Variants in PXDNL observed in about 807,000 individuals in gnomAD.
The protein encoded by PXDNL is peroxidasin like, also known as probable oxidoreductase PXDNL.
A neutral mutation model predicts 150.8 loss-of-function variants in PXDNL; 145 were observed. The ratio of observed to expected loss-of-function variants is 0.96; its 90% confidence interval spans 0.84 to 1.10. The LOEUF (loss-of-function observed/expected upper bound fraction) is 1.10, where lower values mean the gene tolerates loss of function less well. PXDNL is among the 50% of genes least tolerant of loss of function. The probability of loss-of-function intolerance (pLI) is 0.00; values close to 1 mark genes in which losing one functional copy is unlikely to be tolerated. For synonymous variants in PXDNL, 757 were observed against 725.7 expected (o/e 1.04, Z -0.69); for missense variants, 2,087 against 1,873.9 (o/e 1.11, Z -2.10).
At chr8:51,762,998 C>CA (rs1482450731) in intron 1 of PXDNL, among the ~76,000 whole-genome samples, 3 of 152,098 alleles carry the variant, frequency 2.0e-5, no homozygotes, top group African/African-American at 7.2e-5. Context: ...TGGTTTCTAG[C>CA]ATATTGACAT....
chr8:51,473,274 AACAC>A lies in PXDNL; in HGVS notation c.695-974_695-971del, dbSNP rs1164131411. 4.4e-3 allele frequency among the ~76,000 whole-genome samples: 596 copies of A among 134,016 alleles called. 3 individuals are homozygous for A. Among genetic ancestry groups the A allele is most frequent in the Admixed American group, 0.011 (144 of 12,624 alleles). 87.9% of individuals were successfully genotyped at this position (134,016 alleles called of 152,430 possible). On this transcript the variant is annotated intron_variant, in intron 7 of 22. Transcript: ENST00000356297. ...AGTTTCATTGAAGCAGTAGAAAATAAACACACACACACACACACACACACACACA... is the reference window on the plus strand; with the variant it reads ...AGTTTCATTGAAGCAGTAGAAAATAAACACACACACACACACACACACACA...
At chr8:51,718,932 C>T (rs1816668717) in intron 1 of PXDNL, among the ~76,000 whole-genome samples, 1 of 152,136 alleles carries the variant, frequency 6.6e-6, no homozygotes, top group Non-Finnish European at 1.5e-5. Context: ...GCCGCCCCGT[C>T]CGGGAGGGAG....
intron 1 of PXDNL, among the ~76,000 whole-genome samples, chr8:51,767,408 A>G (rs2037243375): frequency 6.6e-6 from 1 of 152,058 alleles, no homozygotes; most frequent in African/African-American, 2.4e-5. Flanking sequence ...TGAGTTTTGT[A>G]AAGTCTGTAT....
chr8:51,674,700 C>G (rs1373950652), intron 1 of PXDNL, among the ~76,000 whole-genome samples: 1 of 152,220 alleles, frequency 6.6e-6, no homozygotes, highest in Non-Finnish European at 1.5e-5. Context: ...GCTCCTGGTC[C>G]TGCCATACCC....
chr8:51,498,906 T>G (rs1811117818), intron 5 of PXDNL, among the ~76,000 whole-genome samples: 1 of 152,242 alleles, frequency 6.6e-6, no homozygotes, highest in Non-Finnish European at 1.5e-5. Context: ...AGTATAGTAT[T>G]ATATTTTATG....
intron 3 of PXDNL, among the ~76,000 whole-genome samples, chr8:51,581,481 G>A (rs936303332): frequency 1.4e-5 from 2 of 141,436 alleles, no homozygotes; most frequent in Non-Finnish European, 3.0e-5. Flanking sequence ...ATGACAGAGT[G>A]AGACCCTGTC....
chr8:51,663,548 G>C (rs2130816357), intron 1 of PXDNL, among the ~76,000 whole-genome samples: 2 of 152,232 alleles, frequency 1.3e-5, no homozygotes, highest in Admixed American at 1.3e-4. Context: ...CGTTGACAGG[G>C]GTATGCGGCC....
At chr8:51,490,559 T>C (rs1016647464) in intron 5 of PXDNL, among the ~76,000 whole-genome samples, 1 of 151,398 alleles carries the variant, frequency 6.6e-6, no homozygotes, top group African/African-American at 2.4e-5. Context: ...GTCAATTACA[T>C]ACCAATGAAT....
At chr8:51,330,728 AC>A in intron 21 of PXDNL, among the ~76,000 whole-genome samples, 1 of 152,288 alleles carries the variant, frequency 6.6e-6, no homozygotes, top group East Asian at 1.9e-4. Context: ...CACCCTTTGA[AC>A]CCCTAAAATT....
intron 3 of PXDNL, among the ~76,000 whole-genome samples, chr8:51,586,874 A>G (rs1389506006): frequency 1.3e-5 from 2 of 152,162 alleles, no homozygotes; most frequent in East Asian, 3.9e-4. Flanking sequence ...GAAAATACTA[A>G]ACTTAGAGAA....
intron 3 of PXDNL, among the ~76,000 whole-genome samples, chr8:51,587,632 T>C (rs1288100482): frequency 1.3e-5 from 2 of 152,202 alleles, no homozygotes; most frequent in Non-Finnish European, 2.9e-5. Flanking sequence ...TTATGTAATA[T>C]AAATACTTGT....
Position 51,399,179 on chromosome 8 carries a change from T to A in PXDNL, c.3557+8888A>T, listed in dbSNP as rs192251250. Among the ~76,000 whole-genome samples the A allele has an allele frequency of 4.7e-3, 710 of 152,322 alleles. 5 individuals carry two copies. The highest frequency in any genetic ancestry group is 7.4e-3 in the Non-Finnish European group (506 of 68,030). ...CTTTGGGTAACAATTTGGCAGTTTC[T>A]TATAAAGTTAAATACAGAGTTACTA... On this transcript the variant is annotated intron_variant, in intron 17 of 22. Coordinates refer to ENST00000356297, the MANE Select transcript of PXDNL (RefSeq NM_144651.5).
intron 10 of PXDNL, among the ~76,000 whole-genome samples, chr8:51,452,937 C>CACATACACACACACACACACACACACAA (rs1554541855): frequency 2.3e-4 from 35 of 149,968 alleles, no homozygotes; most frequent in African/African-American, 4.4e-4. Flanking sequence ...CACACACAAA[C>CACATACACACACACACACACACACACAA]ACACACACAC....
chr8:51,620,612 C>T (rs970630869), intron 2 of PXDNL, among the ~76,000 whole-genome samples: 27 of 151,638 alleles, frequency 1.8e-4, no homozygotes, highest in Non-Finnish European at 2.4e-4. Context: ...GGCACGATCT[C>T]GGCTCACTGC....
intron 1 of PXDNL, among the ~76,000 whole-genome samples, chr8:51,689,122 C>T (rs1160553699): frequency 6.6e-6 from 1 of 152,198 alleles, no homozygotes; most frequent in African/African-American, 2.4e-5. Flanking sequence ...CAGCAGGTTG[C>T]CAGCCCACAA....
chr8:51,622,388 T>G lies in PXDNL; in HGVS notation c.237-29690A>C, dbSNP rs186946361. 6.6e-5 allele frequency among the ~76,000 whole-genome samples: 10 copies of G among 152,322 alleles called. No homozygotes were observed. In the East Asian group the frequency reaches 1.9e-3, roughly 29 times the overall value. ...ATAAATGGGCACTGCTTTAAGCCAC[T>G]GTGTTTGTGGGAATTTGCTATGCTG... On this transcript the variant is annotated intron_variant, in intron 2 of 22. Coordinates refer to ENST00000356297, the MANE Select transcript of PXDNL (RefSeq NM_144651.5).
intron 3 of PXDNL, among the ~76,000 whole-genome samples, chr8:51,583,214 T>C (rs1232427789): frequency 6.6e-6 from 1 of 152,096 alleles, no homozygotes; most frequent in Non-Finnish European, 1.5e-5. Flanking sequence ...AGAGTTTTAT[T>C]TTGGCTCCCA....
At chr8:51,685,946 A>G (rs1815863763) in intron 1 of PXDNL, among the ~76,000 whole-genome samples, 1 of 152,246 alleles carries the variant, frequency 6.6e-6, no homozygotes, top group Non-Finnish European at 1.5e-5. Flanking sequence ...AGTATAAGTA[A>G]TAAGTAACAT....
intron 1 of PXDNL, among the ~76,000 whole-genome samples, chr8:51,702,977 A>G (rs371595509): frequency 6.6e-6 from 1 of 152,126 alleles, no homozygotes; most frequent in Non-Finnish European, 1.5e-5. Flanking sequence ...TCTCATTTTT[A>G]TCATCACGTT....
Sources: gnomAD v4.1 joint callset for allele counts (sites outside exome capture counted in the v4.1 genomes callset) on GRCh38, gnomAD v4.1.1 for gene constraint, MANE v1.5 for transcripts, NCBI Gene and HGNC (gene_info 2026-07-23, HGNC 2026-07-21) for gene names.